ELAVL2: variants seen among roughly 807,000 people sequenced by gnomAD.
ELAVL2 encodes the protein ELAV-like protein 2.
ELAVL2 carries 4 observed loss-of-function variants against 34.6 expected under a neutral mutation model. That is an observed-to-expected ratio of 0.12 (90% confidence interval 0.06 to 0.26). The LOEUF (loss-of-function observed/expected upper bound fraction) is 0.26. Among genes scored for constraint, ELAVL2 ranks in the 10% least tolerant of loss-of-function variants. The pLI is 1.00. For missense variants in ELAVL2, 432 were observed against 442.8 expected (o/e 0.98, Z 0.22); for synonymous variants, 193 against 154.8 (o/e 1.25, Z -1.83).
intron 3 of ELAVL2, among the ~76,000 whole-genome samples, chr9:23,711,557 G>T (rs1404666388): frequency 1.3e-5 from 2 of 152,024 alleles, no homozygotes; most frequent in Non-Finnish European, 1.5e-5. Context: ...AAAATAAGCT[G>T]CCCTCCTTCC....
intron 2 of ELAVL2, among the ~76,000 whole-genome samples, chr9:23,753,940 GAA>G (rs1320911239): frequency 6.6e-6 from 1 of 152,154 alleles, no homozygotes. Context: ...GCAACAAAGA[GAA>G]AGGTTACTGA....
intron 1 of ELAVL2, among the ~76,000 whole-genome samples, chr9:23,813,189 AAAAT>A (rs1157078241): frequency 1.3e-5 from 2 of 152,188 alleles, no homozygotes; most frequent in African/African-American, 4.8e-5. Flanking sequence ...TCCTTATTGT[AAAAT>A]AAAATTACAG....
the ELAVL2 span, among the ~76,000 whole-genome samples, chr9:23,833,478 C>T: frequency 6.6e-6 from 1 of 151,726 alleles, no homozygotes. Flanking sequence ...AAAAGATACA[C>T]TGTCACCAAG....
At chr9:23,719,526 G>A (rs2043131309) in intron 3 of ELAVL2, among the ~76,000 whole-genome samples, 1 of 152,110 alleles carries the variant, frequency 6.6e-6, no homozygotes, top group Non-Finnish European at 1.5e-5. Context: ...CTCTGAGCAG[G>A]GGGAAAACAC....
At chr9:23,768,950 C>G (rs2056821982) in intron 1 of ELAVL2, among the ~76,000 whole-genome samples, 1 of 152,144 alleles carries the variant, frequency 6.6e-6, no homozygotes, top group Non-Finnish European at 1.5e-5. Flanking sequence ...TTAAAAGAAT[C>G]ATGGCTAGAG....
chr9:23,771,912 T>C (rs1033382245), intron 1 of ELAVL2, among the ~76,000 whole-genome samples: 1 of 152,198 alleles, frequency 6.6e-6, no homozygotes, highest in Non-Finnish European at 1.5e-5. Context: ...AATCATTACC[T>C]TCTGGTGATG....
chr9:23,812,673 A>T, intron 1 of ELAVL2, among the ~76,000 whole-genome samples: 1 of 151,956 alleles, frequency 6.6e-6, no homozygotes, highest in South Asian at 2.1e-4. Flanking sequence ...ACCTACAATG[A>T]TTTTTTAAAA....
chr9:23,760,449 G>A (rs1336709233), intron 2 of ELAVL2, among the ~76,000 whole-genome samples: 1 of 151,780 alleles, frequency 6.6e-6, no homozygotes, highest in East Asian at 1.9e-4. Flanking sequence ...TAAAAAGGTT[G>A]CAAAATCCAC....
At chr9:23,781,169 T>C (rs543404178) in intron 1 of ELAVL2, among the ~76,000 whole-genome samples, 33 of 152,302 alleles carry the variant, frequency 2.2e-4, no homozygotes, top group African/African-American at 7.5e-4. Context: ...GATAAAAGAA[T>C]GGCTTATAAA....
chr9:23,804,501 T>C (rs923350615), intron 1 of ELAVL2, among the ~76,000 whole-genome samples: 4 of 152,224 alleles, frequency 2.6e-5, no homozygotes, highest in Non-Finnish European at 4.4e-5. Context: ...AATAGAGATA[T>C]ATACCCTGAT....
At chr9:23,717,924 A>T (rs768024954) in intron 3 of ELAVL2, among the ~76,000 whole-genome samples, 28 of 152,328 alleles carry the variant, frequency 1.8e-4, no homozygotes, top group Non-Finnish European at 3.5e-4. Flanking sequence ...ACATGGTCTC[A>T]GTAAAACAAA....
chr9:23,750,410 TA>T (rs1347584967), intron 2 of ELAVL2, among the ~76,000 whole-genome samples: 4 of 151,840 alleles, frequency 2.6e-5, no homozygotes, highest in Non-Finnish European at 4.4e-5. Flanking sequence ...CTTACCCCCA[TA>T]AAAAAAGGAC....
At chr9:23,763,891 C>T (rs2055622848) in intron 1 of ELAVL2, among the ~76,000 whole-genome samples, 1 of 152,124 alleles carries the variant, frequency 6.6e-6, no homozygotes, top group Non-Finnish European at 1.5e-5. Context: ...CAAGCTGTTT[C>T]TCTACGTAAG....
intron 2 of ELAVL2, among the ~76,000 whole-genome samples, chr9:23,759,580 G>A (rs1302559712): frequency 6.6e-6 from 1 of 151,252 alleles, no homozygotes; most frequent in Admixed American, 6.6e-5. Flanking sequence ...AATTATGAAT[G>A]TTTGAGATTT....
At chr9:23,736,506 T>C (rs889682322) in intron 2 of ELAVL2, among the ~76,000 whole-genome samples, 1 of 151,992 alleles carries the variant, frequency 6.6e-6, no homozygotes, top group Admixed American at 6.6e-5. Flanking sequence ...AGGGCTGCTG[T>C]TTAAATACAA....
intron 1 of ELAVL2, among the ~76,000 whole-genome samples, chr9:23,816,177 C>T (rs1371780978): frequency 6.6e-6 from 1 of 151,284 alleles, no homozygotes; most frequent in East Asian, 1.9e-4. Context: ...GATTCTAGCC[C>T]CTCAATATTA....
intron 2 of ELAVL2, among the ~76,000 whole-genome samples, chr9:23,759,763 T>TATATATAC (rs1554720039): frequency 9.0e-6 from 1 of 110,806 alleles, no homozygotes; most frequent in African/African-American, 4.7e-5. Flanking sequence ...ATTATATATA[T>TATATATAC]ATATATATAT....
At chr9:23,726,258 T>C (rs897917757) in intron 3 of ELAVL2, among the ~76,000 whole-genome samples, 10 of 152,144 alleles carry the variant, frequency 6.6e-5, no homozygotes, top group African/African-American at 2.4e-4. Context: ...AATATTCTCA[T>C]TTTTATAATA....
intron 2 of ELAVL2, among the ~76,000 whole-genome samples, chr9:23,731,971 G>A (rs899907008): frequency 6.6e-6 from 1 of 152,102 alleles, no homozygotes; most frequent in African/African-American, 2.4e-5. Context: ...TTGCATCAAT[G>A]GAATGCAAAG....
Sources: gnomAD v4.1 joint callset for allele counts (sites outside exome capture counted in the v4.1 genomes callset) on GRCh38, gnomAD v4.1.1 for gene constraint, MANE v1.5 for transcripts, NCBI Gene and HGNC (gene_info 2026-07-23, HGNC 2026-07-21) for gene names.